Variants in GATAD1 observed in about 807,000 individuals in gnomAD.
The protein encoded by GATAD1 is GATA zinc finger domain containing 1.
In GATAD1, 12 loss-of-function variants were observed where a neutral mutation model predicts 26.5. That is an observed-to-expected ratio of 0.45 (90% CI 0.29 to 0.73). GATAD1 has a LOEUF of 0.73. GATAD1 is among the 30% of genes least tolerant of loss of function. The pLI, the probability that GATAD1 is intolerant of heterozygous loss-of-function variation, is 0.10. For missense variants in GATAD1, 266 were observed against 342.1 expected (o/e 0.78, Z 1.75); for synonymous variants, 129 against 133.1 (o/e 0.97, Z 0.21).
chr7:92,473,440 G>GT, the GATAD1 span, among the ~76,000 whole-genome samples: 1 of 152,008 alleles, frequency 6.6e-6, no homozygotes, highest in East Asian at 1.9e-4. Flanking sequence ...GAATCCTTTA[G>GT]TTTAACTTGA....
At chr7:92,489,708 C>G in the GATAD1 span, 5 of 1,610,490 alleles carry the variant, frequency 3.1e-6, no homozygotes, top group Non-Finnish European at 4.2e-6. Flanking sequence ...GGGGAAAAAG[C>G]CATACTCCAC....
At chr7:92,493,833 C>G in the GATAD1 span, 1 of 191,406 alleles carries the variant, frequency 5.2e-6, no homozygotes, top group African/African-American at 2.4e-5. Context: ...TCTATCTGTT[C>G]TTTCATTCAT....
downstream of GATAD1, among the ~76,000 whole-genome samples, chr7:92,460,460 C>T (rs115429504): frequency 5.2e-3 from 791 of 152,174 alleles, 10 homozygotes; most frequent in African/African-American, 0.018. Context: ...AGAGGTGGGC[C>T]ATTAATTATT....
the GATAD1 span, among the ~76,000 whole-genome samples, chr7:92,485,193 T>C: frequency 6.6e-6 from 1 of 152,164 alleles, no homozygotes; most frequent in Non-Finnish European, 1.5e-5. Context: ...CTTTTGTGAT[T>C]CTTTGGTTAC....
the GATAD1 span, among the ~76,000 whole-genome samples, chr7:92,483,701 C>T: frequency 6.6e-6 from 1 of 152,220 alleles, no homozygotes; most frequent in South Asian, 2.1e-4. Context: ...TTGACTATGC[C>T]TTTAGCTCCA....
the GATAD1 span, chr7:92,468,339 G>A: frequency 1.5e-4 from 25 of 172,250 alleles, no homozygotes; most frequent in East Asian, 6.6e-4. Flanking sequence ...GATGGCGAGC[G>A]AAAGCTCAGC....
At chr7:92,493,192 T>G in the GATAD1 span, 1 of 932,278 alleles carries the variant, frequency 1.1e-6, no homozygotes. Flanking sequence ...TCTTAAATTG[T>G]GTATCTTATG....
At chr7:92,467,852 A>G in the GATAD1 span, among the ~76,000 whole-genome samples, 37,815 of 152,160 alleles carry the variant, frequency 0.25, 5,254 homozygotes, top group African/African-American at 0.38. Flanking sequence ...GCAGAAAAAC[A>G]CCTAGGAATA....
the GATAD1 span, among the ~76,000 whole-genome samples, chr7:92,485,516 C>G: frequency 6.6e-6 from 1 of 152,230 alleles, no homozygotes; most frequent in Non-Finnish European, 1.5e-5. Flanking sequence ...AGAAAAGGCC[C>G]TGTCATCACA....
Position 92,454,580 on chromosome 7 carries a change from G to A in GATAD1, c.514G>A (p.Gly172Ser), listed in dbSNP as rs138831121. 9.9e-6 allele frequency: 16 copies of A among 1,613,258 alleles called. No individual in the cohort carries two copies. The highest frequency in any genetic ancestry group is 1.3e-5 in the Non-Finnish European group (15 of 1,179,196). Residue 172 changes from glycine to serine, a missense_variant, in exon 4 of 5, where the codon GGT (glycine) becomes AGT (serine). Gly to Ser is a moderately conservative substitution (Grantham distance 56, BLOSUM62 0). Coordinates refer to ENST00000287957, the MANE Select transcript of GATAD1 (RefSeq NM_021167.5). ...DGKPYYAQIR[G>S]FIQDQYCEKS... is the part of the protein sequence containing the mutation. ...AAAGCCCTACTATGCTCAAATCAGA[G>A]GTTTTATCCAGGACCAGTATTGCGA...
the GATAD1 span, among the ~76,000 whole-genome samples, chr7:92,480,415 G>A: frequency 6.6e-6 from 1 of 152,186 alleles, no homozygotes; most frequent in African/African-American, 2.4e-5. Flanking sequence ...GGGAGGGGAG[G>A]GGGCCTGAAC....
At chr7:92,489,726 C>G in the GATAD1 span, 1 of 1,613,958 alleles carries the variant, frequency 6.2e-7, no homozygotes, top group Non-Finnish European at 8.5e-7. Context: ...CACTTTGGCT[C>G]CGGTATCTGC....
chr7:92,453,189 G>A (rs1023518718), intron 3 of GATAD1, among the ~76,000 whole-genome samples: 1 of 152,218 alleles, frequency 6.6e-6, no homozygotes, highest in Non-Finnish European at 1.5e-5. Context: ...GTGTTTTTAT[G>A]GTTGAGGTAC....
chr7:92,494,381 G>A, the GATAD1 span: 3 of 1,613,794 alleles, frequency 1.9e-6, no homozygotes, highest in Admixed American at 5.0e-5. Context: ...ACTAGTAGCA[G>A]CCAATACATA....
the GATAD1 span, among the ~76,000 whole-genome samples, chr7:92,488,038 C>G: frequency 2.6e-5 from 4 of 152,158 alleles, no homozygotes; most frequent in African/African-American, 9.7e-5. Flanking sequence ...CAAGAATGTT[C>G]ATTACCACAT....
At chr7:92,469,386 T>C in the GATAD1 span, 2 of 770,670 alleles carry the variant, frequency 2.6e-6, no homozygotes, top group South Asian at 2.7e-5. Flanking sequence ...CAGTACCTAG[T>C]GCACCTAGCA....
chr7:92,454,078 T>C, intron 3 of GATAD1: 1 of 222,922 alleles, frequency 4.5e-6, no homozygotes, highest in Non-Finnish European at 8.7e-6. Flanking sequence ...TGTACCACTC[T>C]AGTGGTGGGA....
chr7:92,449,550 ATTC>A (rs1789329046), intron 2 of GATAD1: 1 of 972,962 alleles, frequency 1.0e-6, no homozygotes, highest in South Asian at 4.8e-5. Context: ...TCAGTATGAT[ATTC>A]TTTTCTTTCA....
At chr7:92,487,483 G>T in the GATAD1 span, 14 of 1,594,522 alleles carry the variant, frequency 8.8e-6, no homozygotes, top group East Asian at 2.7e-4. Context: ...TTCTGTCCAG[G>T]TCGAAACATT....
Sources: allele counts gnomAD v4.1 joint callset (sites outside exome capture counted in the v4.1 genomes callset), GRCh38; gene constraint gnomAD v4.1.1; transcripts MANE v1.5; gene names NCBI Gene and HGNC (gene_info 2026-07-23, HGNC 2026-07-21).